MYLK: variants seen among roughly 807,000 people sequenced by gnomAD.
MYLK encodes myosin light chain kinase, also known as myosin light chain kinase, smooth muscle.
MYLK carries 106 observed loss-of-function variants against 203.4 expected under a neutral mutation model. The ratio of observed to expected loss-of-function variants is 0.52; its 90% confidence interval spans 0.45 to 0.61. MYLK has a LOEUF of 0.61. Among genes scored for constraint, MYLK ranks in the 20% least tolerant of loss-of-function variants. The probability of loss-of-function intolerance (pLI) is 0.00; values close to 1 mark genes in which losing one functional copy is unlikely to be tolerated. For synonymous variants in MYLK, 867 were observed against 959.5 expected, an observed-to-expected ratio of 0.90 and a Z score of 1.78; for missense variants, 2,072 against 2,442.3, an observed-to-expected ratio of 0.85 and a Z score of 3.20.
intron 5 of MYLK, among the ~76,000 whole-genome samples, chr3:123,746,018 T>C (rs191401883): frequency 1.3e-4 from 19 of 151,886 alleles, no homozygotes; most frequent in Admixed American, 6.6e-4. Context: ...CCACCACATA[T>C]GGCTAATTTT....
At chr3:123,620,428 G>C in intron 31 of MYLK, 92 bp from the exon 32 acceptor site, 2 of 1,601,638 alleles carry the variant, frequency 1.2e-6, no homozygotes, top group Non-Finnish European at 1.7e-6. Flanking sequence ...CCCAGCCCCA[G>C]AGAAGCAGCT....
chr3:123,723,395 G>C (rs1009222343), intron 12 of MYLK, among the ~76,000 whole-genome samples: 1 of 152,244 alleles, frequency 6.6e-6, no homozygotes, highest in Admixed American at 6.5e-5. Flanking sequence ...GGCTGGGAAA[G>C]GCAGGGGCCT....
intron 2 of MYLK, among the ~76,000 whole-genome samples, chr3:123,832,149 G>A (rs1344708682): frequency 1.3e-5 from 2 of 152,186 alleles, no homozygotes; most frequent in African/African-American, 4.8e-5. Flanking sequence ...AACACACTGG[G>A]AAAGCACTGT....
intron 13 of MYLK, among the ~76,000 whole-genome samples, chr3:123,711,649 C>T (rs2061698812): frequency 6.6e-6 from 1 of 152,210 alleles, no homozygotes. Flanking sequence ...TTCTGTGAGC[C>T]AGGCAGCTTG....
chr3:123,831,003 A>C (rs1489980150), intron 3 of MYLK, among the ~76,000 whole-genome samples: 4 of 152,218 alleles, frequency 2.6e-5, no homozygotes, highest in African/African-American at 9.6e-5. Context: ...GCAGGTGACC[A>C]GGTTATGGAT....
At chr3:123,682,362 A>G in intron 19 of MYLK, 52 bp from the exon 20 acceptor site, 1 of 1,390,268 alleles carries the variant, frequency 7.2e-7, no homozygotes, top group Non-Finnish European at 1.0e-6. Flanking sequence ...GGAAATGAGC[A>G]AAGGGGGTCT....
At chr3:123,833,906 A>T (rs2066410209) in intron 2 of MYLK, among the ~76,000 whole-genome samples, 2 of 152,180 alleles carry the variant, frequency 1.3e-5, no homozygotes, top group African/African-American at 4.8e-5. Flanking sequence ...CTCCAGTGCT[A>T]ATCTCCAAAA....
chr3:123,725,908 G>A (rs756402399), intron 12 of MYLK, 36 bp downstream of exon 12: 5 of 1,608,102 alleles, frequency 3.1e-6, no homozygotes, highest in Non-Finnish European at 4.3e-6. Flanking sequence ...AGGGCCCAGG[G>A]GATGGGAGCA....
intron 6 of MYLK, 124 bp downstream of exon 6, chr3:123,739,829 C>T: frequency 9.3e-7 from 1 of 1,075,460 alleles, no homozygotes; most frequent in Non-Finnish European, 1.4e-6. Flanking sequence ...TCTCATTGTA[C>T]TAGGCTCCCG....
At chr3:123,812,858 G>C (rs1418735974) in intron 3 of MYLK, among the ~76,000 whole-genome samples, 1 of 152,172 alleles carries the variant, frequency 6.6e-6, no homozygotes, top group Non-Finnish European at 1.5e-5. Flanking sequence ...AAGATGTCCA[G>C]CCAGGCATAT....
chr3:123,628,342 G>T (rs2058255517), intron 30 of MYLK, among the ~76,000 whole-genome samples: 1 of 152,154 alleles, frequency 6.6e-6, no homozygotes, highest in Admixed American at 6.5e-5. Context: ...TTCCTCAGGG[G>T]AGCCATCGGC....
At chr3:123,638,836 T>G in intron 28 of MYLK, 1 of 985,462 alleles carries the variant, frequency 1.0e-6, no homozygotes, top group Non-Finnish European at 1.2e-6. Context: ...GGGTGGTACC[T>G]CTTGGCCATA....
intron 3 of MYLK, among the ~76,000 whole-genome samples, chr3:123,814,804 CTTTT>C (rs1480242281): frequency 6.6e-6 from 1 of 151,952 alleles, no homozygotes; most frequent in South Asian, 2.1e-4. Context: ...TTCTTTCTTT[CTTTT>C]TTTAGATGGA....
At chr3:123,696,161 T>A (rs1051159083) in intron 18 of MYLK, among the ~76,000 whole-genome samples, 1 of 152,182 alleles carries the variant, frequency 6.6e-6, no homozygotes, top group Non-Finnish European at 1.5e-5. Flanking sequence ...GGTGGGGGTC[T>A]GTGGGCTATG....
intron 4 of MYLK, among the ~76,000 whole-genome samples, chr3:123,770,282 C>T (rs557014015): frequency 2.4e-4 from 37 of 152,222 alleles, no homozygotes; most frequent in Non-Finnish European, 4.7e-4. Context: ...TGAGATCATG[C>T]CATTATATTC....
chr3:123,800,728 G>T, intron 3 of MYLK, among the ~76,000 whole-genome samples: 1 of 152,274 alleles, frequency 6.6e-6, no homozygotes, highest in Non-Finnish European at 1.5e-5. Flanking sequence ...GTGGACATCC[G>T]AATCGGCAAT....
At position 123,613,282 on chromosome 3, in the gene MYLK, A is replaced by G. The variant is rs988234149; in HGVS notation, c.*823T>C. 7.9e-5 allele frequency: 12 copies of G among 152,172 alleles called. No individual in the cohort carries two copies. The highest frequency in any genetic ancestry group is 3.3e-4 in the Admixed American group (5 of 15,276). 9.4% of individuals were successfully genotyped at this position (152,172 alleles called of 1,614,324 possible). A position where few individuals can be genotyped will look rare whatever the true frequency, so the allele number is the denominator to read the frequency against. On this transcript the variant is annotated 3_prime_UTR_variant, in exon 34 of 34. Transcript: ENST00000360304. Reference sequence around the variant, plus strand: ...TCTTTACCACACGTTCAGAGCTGATATTCTATAACAGCACAAATAAGAATC... The same window carrying G: ...TCTTTACCACACGTTCAGAGCTGATGTTCTATAACAGCACAAATAAGAATC...
At chr3:123,745,905 T>C (rs989046831) in intron 5 of MYLK, among the ~76,000 whole-genome samples, 1 of 152,164 alleles carries the variant, frequency 6.6e-6, no homozygotes, top group African/African-American at 2.4e-5. Flanking sequence ...TCGCCCAGGG[T>C]GGAGTGCAGT....
intron 2 of MYLK, among the ~76,000 whole-genome samples, chr3:123,856,264 A>G (rs142680443): frequency 2.6e-4 from 39 of 152,282 alleles, no homozygotes; most frequent in Admixed American, 5.2e-4. Context: ...TTGGTTCCCA[A>G]TTGGAACATT....
Sources: gnomAD v4.1 joint callset for allele counts (sites outside exome capture counted in the v4.1 genomes callset) on GRCh38, gnomAD v4.1.1 for gene constraint, MANE v1.5 for transcripts, NCBI Gene and HGNC (gene_info 2026-07-23, HGNC 2026-07-21) for gene names.